Variants in TMPRSS13 observed in about 807,000 individuals in gnomAD.
TMPRSS13 encodes transmembrane protease serine 13.
TMPRSS13 carries 50 observed loss-of-function variants against 68.4 expected under a neutral mutation model. The observed-to-expected ratio is 0.73, with a 90% CI of 0.58 to 0.93. The LOEUF is 0.93. Ranked by LOEUF, TMPRSS13 falls within the 40% of genes least tolerant of loss-of-function variation. TMPRSS13 has a pLI of 0.00. For missense variants in TMPRSS13, 615 were observed against 729.2 expected (o/e 0.84, Z 1.80); for synonymous variants, 267 against 285.8 (o/e 0.93, Z 0.66).
rs1565352508 is a variant in TMPRSS13, at chr11:117,918,835, C to A, written c.25G>T (p.Ala9Ser). 3.7e-6 allele frequency: 6 copies of A among 1,613,440 alleles called. No individual in the cohort carries two copies. Among genetic ancestry groups the A allele is most frequent in the Non-Finnish European group, 5.1e-6 (6 of 1,179,862 alleles). Residue 9 changes from alanine to serine, a missense_variant, in exon 2 of 13, where the codon GCA (alanine) becomes TCA (serine). Physicochemically the swap from Ala to Ser is moderately conservative, Grantham distance 99. Coordinates refer to ENST00000524993, the MANE Select transcript of TMPRSS13 (RefSeq NM_001077263.3). MERDSHGN[A>S]SPARTPSAGA... ...GCTGAAGGTGTTCTTGCTGGAGATG[C>A]ATTCTGAAAGCAGATCGAAGAGTAT...
Position 117,905,647 on chromosome 11 carries a change from C to G in TMPRSS13, c.1372G>C (p.Glu458Gln), listed in dbSNP as rs756733348. ...CATCTTTGCCTCTTACCATCTGTCTCCCTGGTCTTGCCAAAGCCTGTGATC... is the reference window on the plus strand; with the variant it reads ...CATCTTTGCCTCTTACCATCTGTCTGCCTGGTCTTGCCAAAGCCTGTGATC... The part of the protein sequence containing the change: ...CWITGFGKTR[E>Q]TDDKTSPFLR... The change falls in exon 10 of 13, where the codon GAG (glutamate) becomes CAG (glutamine). Residue 458 changes from glutamate (E) to glutamine (Q), a missense_variant. By Grantham distance (29) the Glu-to-Gln change is conservative (BLOSUM62 2). Transcript: ENST00000524993. 6.2e-7 allele frequency: 1 copy of G among 1,600,056 alleles called. No homozygotes were observed. Among genetic ancestry groups the G allele is most frequent in the Non-Finnish European group, 8.5e-7 (1 of 1,171,784 alleles).
Position 117,917,223 on chromosome 11 carries a change from A to G in TMPRSS13, c.503T>C (p.Leu168Pro), listed in dbSNP as rs1355246695. ...AATGAGGAGGAGCACGCACCCGATG[A>G]GCGGTAGCTGCTTCTGGCCCTCCCG... ...TWREGQKQLP[L>P]IGCVLLLIAL... The change falls in exon 3 of 13, where the codon CTC becomes CCC. Residue 168 changes from leucine to proline, a missense_variant. By Grantham distance (98) the Leu-to-Pro change is moderately conservative. Transcript: ENST00000524993. 1 of 1,612,940 alleles carries G rather than the reference A, an allele frequency of 6.2e-7. No homozygotes were observed.
At chr11:117,904,861 T>TTATATATTTATATATA (rs2057447460) in intron 10 of TMPRSS13, among the ~76,000 whole-genome samples, 1 of 100,672 alleles carries the variant, frequency 9.9e-6, no homozygotes, top group Non-Finnish European at 2.2e-5. Flanking sequence ...CTAGATAAGA[T>TTATATATTTATATATA]TATATATATA....
At chr11:117,912,996 G>A (rs1385482372) in intron 5 of TMPRSS13, among the ~76,000 whole-genome samples, 1 of 152,156 alleles carries the variant, frequency 6.6e-6, no homozygotes, top group Non-Finnish European at 1.5e-5. Flanking sequence ...CATGGATCTG[G>A]ACAGGCTGAG....
rs375397980 is a variant in TMPRSS13, at chr11:117,918,383, T to C, written c.451+26A>G. ...CCCATGGGCTGCTTCCCATCTCTCG[T>C]GGCTTCCCTACAGCATCCCCCTTAC... On this transcript the variant is annotated intron_variant, in intron 2 of 12. Transcript: ENST00000524993. 5.6e-6 allele frequency: 9 copies of C among 1,607,170 alleles called. No homozygotes were observed. In the African/African-American group the frequency reaches 1.2e-4, roughly 22 times the overall value.
Position 117,901,576 on chromosome 11 carries a change from TA to T in TMPRSS13, c.*662del, listed in dbSNP as rs1443488415. The stretch of plus-strand genomic sequence containing the variant: ...TACCCGTATTTTCATTTCTTAAATA[TA>T]AAAATAAAATAAAATAAAACCCGCC... On this transcript the variant is annotated 3_prime_UTR_variant, in exon 13 of 13. Coordinates refer to ENST00000524993, the MANE Select transcript of TMPRSS13 (RefSeq NM_001077263.3). 1 of 152,102 alleles carries T rather than the reference TA, an allele frequency of 6.6e-6. No homozygotes were observed. Among genetic ancestry groups the T allele is most frequent in the East Asian group, 1.9e-4 (1 of 5,188 alleles). 9.4% of individuals were successfully genotyped at this position (152,102 alleles called of 1,614,324 possible). A position where few individuals can be genotyped will look rare whatever the true frequency, so the allele number is the denominator to read the frequency against.
At chr11:117,926,111 C>T (rs1299299869) in intron 1 of TMPRSS13, among the ~76,000 whole-genome samples, 1 of 148,498 alleles carries the variant, frequency 6.7e-6, no homozygotes, top group African/African-American at 2.5e-5. Context: ...GGGATGCACA[C>T]CTGCAGAGGC....
At position 117,922,895 on chromosome 11, in the gene TMPRSS13, A is replaced by G. The variant is rs1391312326; in HGVS notation, c.22-4057T>C. Among the ~76,000 whole-genome samples, 1 of 152,198 alleles carries G rather than the reference A, an allele frequency of 6.6e-6. No individual in the cohort carries two copies. The highest frequency in any genetic ancestry group is 1.9e-4 in the East Asian group (1 of 5,188). The stretch of plus-strand genomic sequence containing the variant: ...CCTTACCATGACATGGAACAGGCCC[A>G]CACCCCAGGCTGTCACTGCTACCAC... On this transcript the variant is annotated intron_variant, in intron 1 of 12. Transcript: ENST00000524993. This position sits in a 1 kb window ranked among gnomAD's most constrained non-coding sequence, Gnocchi z 4.2.
intron 10 of TMPRSS13, among the ~76,000 whole-genome samples, chr11:117,905,021 C>CATAGCTGGG (rs2134876147): frequency 6.6e-6 from 1 of 151,364 alleles, no homozygotes; most frequent in African/African-American, 2.4e-5. Flanking sequence ...CAGCCCCTCT[C>CATAGCTGGG]ATAGCTGGGA....
Position 117,902,022 on chromosome 11 carries a change from C to T in TMPRSS13, c.*217G>A, listed in dbSNP as rs1030952033. 3.1e-5 allele frequency: 19 copies of T among 607,882 alleles called. No individual in the cohort carries two copies. The African/African-American group carries it at 3.3e-4, about 11-fold the overall frequency. 37.7% of individuals were successfully genotyped at this position (607,882 alleles called of 1,614,324 possible). On this transcript the variant is annotated 3_prime_UTR_variant, in exon 13 of 13. Coordinates refer to ENST00000524993, the MANE Select transcript of TMPRSS13 (RefSeq NM_001077263.3). Reference sequence around the variant, plus strand: ...AGCCTGGGATTTTGAGAAGAGTTGACAGCTCTGCTGGTTTCTGAAAAACTT... The same window carrying T: ...AGCCTGGGATTTTGAGAAGAGTTGATAGCTCTGCTGGTTTCTGAAAAACTT...
At chr11:117,910,204 A>G (rs2298464) in intron 7 of TMPRSS13, among the ~76,000 whole-genome samples, 139,269 of 152,102 alleles carry the variant, frequency 0.92, 64,163 homozygotes, top group Middle Eastern at 0.97. Context: ...CATTCCGCGG[A>G]AAGTTTGACC....
At chr11:117,911,898 G>C in intron 5 of TMPRSS13, 38 bp from the exon 6 acceptor site, 1 of 1,562,148 alleles carries the variant, frequency 6.4e-7, no homozygotes, top group Non-Finnish European at 8.8e-7. Context: ...GAGCCCCCTG[G>C]AGACAGAGTC....
At chr11:117,918,262 C>T in intron 2 of TMPRSS13, 147 bp downstream of exon 2, 2 of 1,015,668 alleles carry the variant, frequency 2.0e-6, no homozygotes, top group Non-Finnish European at 2.8e-6. Context: ...TTGCCTCCAC[C>T]CTCAGGTCCC....
rs1421473938 is a variant in TMPRSS13, at chr11:117,908,405, G to C, written c.1282+207C>G. Reference sequence around the variant, plus strand: ...ATTTGTAATGTGAGATGTGTCATTTGGAGCAAACTTATTTATAACCCTTGG... The same window carrying C: ...ATTTGTAATGTGAGATGTGTCATTTCGAGCAAACTTATTTATAACCCTTGG... On this transcript the variant is annotated intron_variant, in intron 9 of 12. Transcript: ENST00000524993. 5 of 630,112 alleles carry C rather than the reference G, an allele frequency of 7.9e-6. No individual in the cohort carries two copies. The Admixed American group carries it at 1.5e-4, about 18-fold the overall frequency. 39.0% of individuals were successfully genotyped at this position (630,112 alleles called of 1,614,324 possible). A position where few individuals can be genotyped will look rare whatever the true frequency, so the allele number is the denominator to read the frequency against.
At chr11:117,921,545 G>A (rs55732448) in intron 1 of TMPRSS13, among the ~76,000 whole-genome samples, 15 of 152,238 alleles carry the variant, frequency 9.9e-5, no homozygotes, top group Admixed American at 5.9e-4. Flanking sequence ...GTGGGCAGGT[G>A]GGGGGAGGGA....
At chr11:117,908,329 G>A (rs2057484007) in intron 9 of TMPRSS13, 2 of 588,826 alleles carry the variant, frequency 3.4e-6, no homozygotes, top group Non-Finnish European at 6.0e-6. Flanking sequence ...ACCAGTGAAA[G>A]AATTCAATCT....
chr11:117,906,194 C>A (rs1451628096), intron 9 of TMPRSS13, among the ~76,000 whole-genome samples: 1 of 152,236 alleles, frequency 6.6e-6, no homozygotes, highest in Admixed American at 6.5e-5. Context: ...CGAGGGTACC[C>A]ACTGGTTGTC....
At chr11:117,911,589 A>G (rs1420930029) in intron 6 of TMPRSS13, among the ~76,000 whole-genome samples, 179 bp downstream of exon 6, 1 of 152,216 alleles carries the variant, frequency 6.6e-6, no homozygotes, top group Non-Finnish European at 1.5e-5. Flanking sequence ...AAGAATTCTT[A>G]AGTCAGAAGG....
chr11:117,917,040 C>T (rs1253234938), intron 3 of TMPRSS13, 130 bp downstream of exon 3: 2 of 762,974 alleles, frequency 2.6e-6, no homozygotes, highest in African/African-American at 1.7e-5. Context: ...GCAGGAGTGT[C>T]CCTCTCTGGA....
Sources: gnomAD v4.1 joint callset for allele counts (sites outside exome capture counted in the v4.1 genomes callset) on GRCh38, gnomAD v4.1.1 for gene constraint, Gnocchi (gnomAD v3.1) non-coding constraint, MANE v1.5 for transcripts, NCBI Gene and HGNC (gene_info 2026-07-23, HGNC 2026-07-21) for gene names.